Variants in MUSK observed in about 807,000 individuals in gnomAD.
MUSK encodes the protein muscle, skeletal receptor tyrosine-protein kinase.
MUSK carries 55 observed loss-of-function variants against 88.7 expected under a neutral mutation model. The observed-to-expected ratio is 0.62, with a 90% CI of 0.50 to 0.78. The LOEUF (loss-of-function observed/expected upper bound fraction) is 0.78. Among genes scored for constraint, MUSK ranks in the 30% least tolerant of loss-of-function variants. The pLI, the probability that MUSK is intolerant of heterozygous loss-of-function variation, is 0.00. For synonymous variants in MUSK, 387 were observed against 391.9 expected (o/e 0.99, Z 0.15); for missense variants, 1,015 against 1,074.3 (o/e 0.94, Z 0.77).
rs2077901154 is a variant in MUSK, at chr9:110,787,803, C to A, written c.1892C>A (p.Ala631Glu). 6.2e-7 allele frequency: 1 copy of A among 1,613,100 alleles called. No homozygotes were observed. Among genetic ancestry groups the A allele is most frequent in the African/African-American group, 1.3e-5 (1 of 74,920 alleles). Reference sequence around the variant, plus strand: ...TTTCAGAGGGAGGCAGCCCTCATGGCAGAATTTGACAACCCTAACATTGTG... The same window carrying A: ...TTTCAGAGGGAGGCAGCCCTCATGGAAGAATTTGACAACCCTAACATTGTG... ...ADFQREAALM[A>E]EFDNPNIVKL... is the part of the protein sequence containing the mutation. Residue 631 changes from alanine to glutamate, a missense_variant, in exon 14 of 15, where the codon GCA (alanine) becomes GAA (glutamate). By Grantham distance (107) the Ala-to-Glu change is moderately radical (BLOSUM62 -1). Transcript: ENST00000374448.
intron 5 of MUSK, among the ~76,000 whole-genome samples, chr9:110,732,896 A>C (rs539940509): frequency 6.6e-6 from 1 of 152,236 alleles, no homozygotes; most frequent in Admixed American, 6.6e-5. Flanking sequence ...ATAGTCAAAC[A>C]AATCAAATGT....
At chr9:110,701,691 T>G (rs1299574408) in intron 5 of MUSK, among the ~76,000 whole-genome samples, 47 of 224 alleles carry the variant, frequency 0.21, 13 homozygotes, top group African/African-American at 0.54. Flanking sequence ...TTTACTTTAC[T>G]TTATTTTATT....
chr9:110,692,788 T>C (rs1284211088), intron 3 of MUSK, among the ~76,000 whole-genome samples: 1 of 152,142 alleles, frequency 6.6e-6, no homozygotes, highest in African/African-American at 2.4e-5. Flanking sequence ...CTTCTAAGGA[T>C]ATCACTAGTG....
chr9:110,693,217 C>G (rs1320011520), intron 3 of MUSK, among the ~76,000 whole-genome samples: 1 of 152,184 alleles, frequency 6.6e-6, no homozygotes, highest in East Asian at 1.9e-4. Context: ...CATATTCTCT[C>G]TGGCCCAATT....
At chr9:110,779,047 C>T (rs1049167946) in intron 11 of MUSK, among the ~76,000 whole-genome samples, 7 of 132,690 alleles carry the variant, frequency 5.3e-5, no homozygotes, top group African/African-American at 2.2e-4. Flanking sequence ...AATCATGAAG[C>T]GTCAGTGTCT....
chr9:110,706,310 CT>C, intron 5 of MUSK: 2 of 299,992 alleles, frequency 6.7e-6, no homozygotes, highest in Admixed American at 4.6e-5. Flanking sequence ...GCCACCTAGC[CT>C]TTTTCCCTCA....
rs530940848 is a variant in MUSK, at chr9:110,703,853, A to T, written c.628+6387A>T. Among the ~76,000 whole-genome samples the T allele has an allele frequency of 2.0e-5, 3 of 152,330 alleles. No individual in the cohort carries two copies. The East Asian group carries it at 5.8e-4, about 29-fold the overall frequency. On this transcript the variant is annotated intron_variant, in intron 5 of 14. Transcript: ENST00000374448. ...ACTAAGAACTTTCCAGCATTGATGA[A>T]AGACTTAAATCTTCAAGTACGTGAA...
At chr9:110,740,388 C>G (rs984646006) in intron 6 of MUSK, among the ~76,000 whole-genome samples, 1 of 152,162 alleles carries the variant, frequency 6.6e-6, no homozygotes. Context: ...CCTGTATTCT[C>G]ACAGGGCTTT....
In MUSK at chr9:110,800,640, C is replaced by T. The variant is rs1032294980; in HGVS notation, c.2262C>T (p.Asp754=). The T allele has an allele frequency of 6.2e-7, 1 of 1,604,094 alleles. No individual in the cohort carries two copies. Among genetic ancestry groups the T allele is most frequent in the Non-Finnish European group, 8.5e-7 (1 of 1,172,112 alleles). The part of the protein sequence containing the change: ...FGLSRNIYSA[D]YYKANENDAI... ...TCTCCAGGAACATCTACTCAGCAGACTACTACAAAGCTAATGAAAACGACG... is the reference window on the plus strand; with the variant it reads ...TCTCCAGGAACATCTACTCAGCAGATTACTACAAAGCTAATGAAAACGACG... The change falls in exon 15 of 15, where the codon GAC becomes GAT. Residue 754 remains aspartate (D), a synonymous_variant. Coordinates refer to ENST00000374448, the MANE Select transcript of MUSK (RefSeq NM_005592.4).
At chr9:110,729,400 G>T (rs145372462) in intron 5 of MUSK, among the ~76,000 whole-genome samples, 1 of 148,868 alleles carries the variant, frequency 6.7e-6, no homozygotes, top group African/African-American at 2.5e-5. Context: ...CAAACTTTGT[G>T]CTCTTCTAAC....
intron 6 of MUSK, among the ~76,000 whole-genome samples, chr9:110,741,456 G>A (rs1455187988): frequency 6.6e-6 from 1 of 152,108 alleles, no homozygotes; most frequent in Non-Finnish European, 1.5e-5. Context: ...ATAAGAAAGG[G>A]AAGAAGGGAA....
At chr9:110,753,577 C>A (rs1454569206) in intron 7 of MUSK, among the ~76,000 whole-genome samples, 1 of 152,164 alleles carries the variant, frequency 6.6e-6, no homozygotes, top group Non-Finnish European at 1.5e-5. Context: ...TATCCAGTCT[C>A]AGAGTACAGG....
chr9:110,788,710 A>AG, intron 14 of MUSK, among the ~76,000 whole-genome samples: 1 of 151,902 alleles, frequency 6.6e-6, no homozygotes, highest in South Asian at 2.1e-4. Context: ...TAATAAAAAA[A>AG]AAACAAAAAT....
chr9:110,714,830 C>T (rs2076724573), intron 5 of MUSK, among the ~76,000 whole-genome samples: 1 of 152,122 alleles, frequency 6.6e-6, no homozygotes, highest in Non-Finnish European at 1.5e-5. Context: ...TGCCTTCTAA[C>T]AGGCATCTCC....
intron 5 of MUSK, among the ~76,000 whole-genome samples, chr9:110,714,914 A>ACCT (rs2076725763): frequency 1.5e-5 from 2 of 137,496 alleles, no homozygotes; most frequent in African/African-American, 6.6e-5. Flanking sequence ...AATAATCTGT[A>ACCT]TAGATGAGCA....
rs150215400 is a variant in MUSK at position 110,716,313 on chromosome 9, T to C, written c.629-17938T>C. ...AATTGGAATAATTTTTACATCTCTT[T>C]TTGATACACACTTCTTATTTTCTAA... is the stretch of plus-strand genomic sequence containing the variant. On this transcript the variant is annotated intron_variant, in intron 5 of 14. Transcript: ENST00000374448. 1.2e-3 allele frequency among the ~76,000 whole-genome samples: 181 copies of C among 150,144 alleles called. 3 individuals carry two copies. Among genetic ancestry groups the C allele is most frequent in the Admixed American group, 4.1e-3 (62 of 15,186 alleles).
At chr9:110,678,428 G>C (rs1251603618) in intron 1 of MUSK, among the ~76,000 whole-genome samples, 1 of 152,170 alleles carries the variant, frequency 6.6e-6, no homozygotes, top group Non-Finnish European at 1.5e-5. Context: ...ACAGGTATGA[G>C]CCACTGCACC....
At chr9:110,740,959 G>A (rs902241682) in intron 6 of MUSK, among the ~76,000 whole-genome samples, 5 of 152,134 alleles carry the variant, frequency 3.3e-5, no homozygotes, top group Non-Finnish European at 7.4e-5. Context: ...TAGAAGCACA[G>A]AATAGAATAG....
At chr9:110,723,234 TACACACACAC>T (rs143582345) in intron 5 of MUSK, among the ~76,000 whole-genome samples, 1 of 146,670 alleles carries the variant, frequency 6.8e-6, no homozygotes, top group Non-Finnish European at 1.5e-5. Context: ...TACATATACA[TACACACACAC>T]ACACACACAC....
Sources: gnomAD v4.1 joint callset for allele counts (sites outside exome capture counted in the v4.1 genomes callset) on GRCh38, gnomAD v4.1.1 for gene constraint, MANE v1.5 for transcripts, NCBI Gene and HGNC (gene_info 2026-07-23, HGNC 2026-07-21) for gene names.